The following ITPR1 variants were observed in gnomAD, a reference collection of about 807,000 sequenced individuals.
ITPR1 encodes the protein inositol 1,4,5-trisphosphate-gated calcium channel ITPR1.
Under a neutral mutation model 318.4 loss-of-function variants are expected in ITPR1, and 96 were observed. That is an observed-to-expected ratio of 0.30 (90% confidence interval 0.26 to 0.36). The LOEUF (loss-of-function observed/expected upper bound fraction) is 0.36, where lower values mean the gene tolerates loss of function less well. Among genes scored for constraint, ITPR1 ranks in the 10% least tolerant of loss-of-function variants. The pLI, the probability that ITPR1 is intolerant of heterozygous loss-of-function variation, is 1.00. For synonymous variants in ITPR1, 1,312 were observed against 1,289.9 expected (o/e 1.02, Z -0.37); for missense variants, 2,440 against 3,460.2 (o/e 0.71, Z 7.40).
chr3:4,706,121 C>A lies in ITPR1; in HGVS notation c.4658-46C>A, dbSNP rs375270340. On this transcript the variant is annotated intron_variant, in intron 36 of 61. Coordinates refer to ENST00000649015, the MANE Select transcript of ITPR1 (RefSeq NM_001378452.1). ...GGCATTACGTCCATCTGTAGGGTGT[C>A]CCCCATAAAAGTTGTAGGCTCACGA... 2,433 of 1,605,756 alleles carry A rather than the reference C, an allele frequency of 1.5e-3. 43 individuals are homozygous for A. The South Asian group carries it at 0.024, about 16-fold the overall frequency.
chr3:4,612,115 G>T lies in ITPR1; in HGVS notation c.164-15648G>T, dbSNP rs556494376. On this transcript the variant is annotated intron_variant, in intron 4 of 61. Coordinates refer to ENST00000649015, the MANE Select transcript of ITPR1 (RefSeq NM_001378452.1). ...GAGTCTCACTCTGTCACCCAGGCTG[G>T]AGTGCAGTCCATGTCGGCTCACTGC... Among the ~76,000 whole-genome samples the T allele has an allele frequency of 8.8e-4, 126 of 143,624 alleles. 1 individual carries two copies. The highest frequency in any genetic ancestry group is 3.1e-3 in the African/African-American group (119 of 38,354). The allele number at this position is 143,624 out of a possible 152,430, so 94.2% of individuals were successfully genotyped here.
chr3:4,610,365 TGA>T (rs1235701190), intron 4 of ITPR1, among the ~76,000 whole-genome samples: 33 of 152,188 alleles, frequency 2.2e-4, no homozygotes, highest in Admixed American at 2.2e-3. Context: ...ATTGTTTGAA[TGA>T]GAGAGAAATA....
intron 50 of ITPR1, 70 bp from the exon 51 acceptor site, chr3:4,783,746 G>C (rs1157096374): frequency 1.7e-6 from 2 of 1,204,392 alleles, no homozygotes; most frequent in Admixed American, 4.0e-5. Flanking sequence ...TACCCAACAT[G>C]AGAAAGGAGT....
chr3:4,699,706 C>A (rs2094613598), intron 34 of ITPR1, 107 bp from the exon 35 acceptor site: 4 of 1,024,158 alleles, frequency 3.9e-6, no homozygotes, highest in Non-Finnish European at 4.4e-6. Context: ...GGCCAGCAGG[C>A]CTTTACCTTT....
intron 4 of ITPR1, among the ~76,000 whole-genome samples, chr3:4,561,684 A>ATTT (rs1211367700): frequency 6.6e-6 from 1 of 151,904 alleles, no homozygotes; most frequent in Non-Finnish European, 1.5e-5. Flanking sequence ...CTTCTTTATT[A>ATTT]TTTTTTTTAA....
Position 4,846,152 on chromosome 3 carries a change from G to A in ITPR1, c.8204G>A (p.Arg2735Lys). Reference protein sequence around the residue: ...SELKDQMTEQRKQKQRIGLLG... With the variant: ...SELKDQMTEQKKQKQRIGLLG... ...TTAACTTTCCAGATGACAGAACAAA[G>A]GAAGCAGAAACAAAGAATTGGTCTT... The change falls in exon 62 of 62, where the codon AGG becomes AAG. Residue 2735 changes from arginine to lysine, a missense_variant. By Grantham distance (26) the Arg-to-Lys change is conservative (BLOSUM62 2). Coordinates refer to ENST00000649015, the MANE Select transcript of ITPR1 (RefSeq NM_001378452.1). 6.4e-7 allele frequency: 1 copy of A among 1,561,124 alleles called. No homozygotes were observed. Among genetic ancestry groups the A allele is most frequent in the South Asian group, 1.2e-5 (1 of 84,086 alleles).
intron 4 of ITPR1, among the ~76,000 whole-genome samples, chr3:4,604,170 T>C (rs1357882370): frequency 6.6e-6 from 1 of 152,200 alleles, no homozygotes; most frequent in Non-Finnish European, 1.5e-5. Context: ...AGTTTTCAGA[T>C]GTGTCTGAGG....
At chr3:4,615,135 C>T (rs993556395) in intron 4 of ITPR1, among the ~76,000 whole-genome samples, 1 of 152,174 alleles carries the variant, frequency 6.6e-6, no homozygotes, top group African/African-American at 2.4e-5. Context: ...TCACAGTGAC[C>T]CCTGTCCCGT....
At chr3:4,559,511 C>A (rs890652338) in intron 4 of ITPR1, among the ~76,000 whole-genome samples, 1 of 152,068 alleles carries the variant, frequency 6.6e-6, no homozygotes, top group Non-Finnish European at 1.5e-5. Context: ...AATGCAGGAA[C>A]CTTTACATAT....
At chr3:4,494,365 A>G in intron 1 of ITPR1, 66 bp from the exon 2 acceptor site, 1 of 152,256 alleles carries the variant, frequency 6.6e-6, no homozygotes, top group East Asian at 1.9e-4. Flanking sequence ...TGTAATTTGG[A>G]GCATTTCTGT....
chr3:4,630,324 C>T (rs2092973776), intron 5 of ITPR1, among the ~76,000 whole-genome samples: 1 of 151,918 alleles, frequency 6.6e-6, no homozygotes, highest in South Asian at 2.1e-4. Flanking sequence ...AGCATAATCA[C>T]AAAAGACATA....
rs1197084330 is a variant in ITPR1 at position 4,684,467 on chromosome 3, G to C, written c.3564+121G>C. On this transcript the variant is annotated intron_variant, in intron 29 of 61. Transcript: ENST00000649015. ...CTTTTTTCTTCATGTGGTTTAACAGGGAGAAAGTAGAGCTCAGAGGTTAAG... is the reference window on the plus strand; with the variant it reads ...CTTTTTTCTTCATGTGGTTTAACAGCGAGAAAGTAGAGCTCAGAGGTTAAG... The C allele has an allele frequency of 5.7e-6, 4 of 705,020 alleles. No individual in the cohort carries two copies. The East Asian group carries it at 1.1e-4, about 19-fold the overall frequency. The allele number at this position is 705,020 out of a possible 1,614,324, so 43.7% of individuals were successfully genotyped here.
rs2046420646 is a variant in ITPR1 at position 4,775,340 on chromosome 3, T to C, written c.6078T>C (p.Leu2026=). ...TTTGTGGAAGCACAACTGGAGGCCT[T>C]GGTCTTCTGGGCTTGTATATAAATG... ...DCICGSTTGG[L]GLLGLYINEK... Residue 2026 remains leucine (L), a synonymous_variant, in exon 47 of 62, where the codon CTT becomes CTC. Coordinates refer to ENST00000649015, the MANE Select transcript of ITPR1 (RefSeq NM_001378452.1). 2 of 1,613,650 alleles carry C rather than the reference T, an allele frequency of 1.2e-6. No individual in the cohort carries two copies. The highest frequency in any genetic ancestry group is 1.7e-6 in the Non-Finnish European group (2 of 1,179,518).
At chr3:4,635,063 C>G (rs113350518) in intron 5 of ITPR1, among the ~76,000 whole-genome samples, 3 of 152,284 alleles carry the variant, frequency 2.0e-5, no homozygotes, top group African/African-American at 7.2e-5. Flanking sequence ...TTTTTAATGG[C>G]TACACGGTTA....
chr3:4,798,133 A>G (rs975843525), intron 53 of ITPR1, among the ~76,000 whole-genome samples: 5 of 152,280 alleles, frequency 3.3e-5, no homozygotes, highest in African/African-American at 1.2e-4. Flanking sequence ...TTAAGAGTCC[A>G]TTTAAAATGG....
intron 4 of ITPR1, among the ~76,000 whole-genome samples, chr3:4,567,683 C>A (rs1366736421): frequency 6.6e-6 from 1 of 152,066 alleles, no homozygotes; most frequent in Non-Finnish European, 1.5e-5. Flanking sequence ...TGGCTCACTG[C>A]AACCTCCTCC....
At chr3:4,768,881 C>G in intron 46 of ITPR1, 117 bp downstream of exon 46, 4 of 991,684 alleles carry the variant, frequency 4.0e-6, no homozygotes, top group Non-Finnish European at 5.9e-6. Context: ...AAGGATCCAG[C>G]AAGGTTCTTT....
intron 55 of ITPR1, among the ~76,000 whole-genome samples, chr3:4,810,818 C>T (rs2048892652): frequency 6.6e-6 from 1 of 152,182 alleles, no homozygotes; most frequent in Non-Finnish European, 1.5e-5. Context: ...GAGTTCTTGC[C>T]ACTGACGCTG....
intron 5 of ITPR1, among the ~76,000 whole-genome samples, chr3:4,629,991 A>G (rs2092962865): frequency 1.3e-5 from 2 of 152,312 alleles, no homozygotes; most frequent in South Asian, 4.1e-4. Context: ...CCTCAATCCC[A>G]ACAAAAGCAT....
Sources: allele counts gnomAD v4.1 joint callset (sites outside exome capture counted in the v4.1 genomes callset), GRCh38; gene constraint gnomAD v4.1.1; transcripts MANE v1.5; gene names NCBI Gene and HGNC (gene_info 2026-07-23, HGNC 2026-07-21).